GNE: variants seen among roughly 807,000 people sequenced by gnomAD.
GNE encodes the protein bifunctional UDP-N-acetylglucosamine 2-epimerase/N-acetylmannosamine kinase.
Under a neutral mutation model 61.8 loss-of-function variants are expected in GNE, and 41 were observed. The ratio of observed to expected loss-of-function variants is 0.66; its 90% confidence interval spans 0.52 to 0.86. GNE has a LOEUF of 0.86. Among genes scored for constraint, GNE ranks in the 40% least tolerant of loss-of-function variants. GNE has a pLI of 0.00. For missense variants in GNE, 608 were observed against 909.1 expected (o/e 0.67, Z 4.26); for synonymous variants, 264 against 326.4 (o/e 0.81, Z 2.06).
intron 3 of GNE, among the ~76,000 whole-genome samples, chr9:36,244,279 T>G (rs1200335317): frequency 1.3e-5 from 2 of 152,194 alleles, no homozygotes; most frequent in Non-Finnish European, 2.9e-5. Context: ...AAATCAATTT[T>G]CTGTTCATTA....
chr9:36,216,327 ATG>A lies in GNE; in HGVS notation c.*1036_*1037del, dbSNP rs10527967. ...TTAGTTTGGGGTTAGAGGAGGAAGG[ATG>A]TGTGTGTGTGTGTGTGTGTGTGTGT... On this transcript the variant is annotated 3_prime_UTR_variant, in exon 12 of 12. Transcript: ENST00000642385. 5,699 of 353,562 alleles carry A rather than the reference ATG, an allele frequency of 0.016. No individual in the cohort carries two copies. The highest frequency in any genetic ancestry group is 0.046 in the East Asian group (577 of 12,452). 21.9% of individuals were successfully genotyped at this position (353,562 alleles called of 1,614,324 possible). A position where few individuals can be genotyped will look rare whatever the true frequency, so the allele number is the denominator to read the frequency against.
intron 5 of GNE, among the ~76,000 whole-genome samples, chr9:36,233,494 G>A (rs768369376): frequency 8.6e-5 from 13 of 151,974 alleles, no homozygotes; most frequent in Non-Finnish European, 1.8e-4. Flanking sequence ...GTGAAACCCC[G>A]TCTCTACTAA....
intron 5 of GNE, among the ~76,000 whole-genome samples, chr9:36,232,335 C>T (rs944822376): frequency 1.1e-4 from 10 of 91,964 alleles, no homozygotes; most frequent in Non-Finnish European, 1.9e-4. Context: ...CTTGCCCCCC[C>T]GCCCCCCCTC....
rs575288245 is a variant in GNE at position 36,263,934 on chromosome 9, GGGAAT to G, written c.51+12955_51+12959del. Among the ~76,000 whole-genome samples the G allele has an allele frequency of 4.7e-4, 72 of 152,216 alleles. 1 individual carries two copies. In the South Asian group the frequency reaches 0.015, roughly 31 times the overall value. On this transcript the variant is annotated intron_variant, in intron 1 of 11. Transcript: ENST00000396594. ...GTAGCTCTCTGAAACATCTGGACTGGGGAATACGGAGAGGACTGGCCAGTTGGAAA... is the reference window on the plus strand; with the variant it reads ...GTAGCTCTCTGAAACATCTGGACTGGACGGAGAGGACTGGCCAGTTGGAAA...
intron 7 of GNE, among the ~76,000 whole-genome samples, chr9:36,226,917 G>A (rs1828892511): frequency 6.6e-6 from 1 of 152,194 alleles, no homozygotes; most frequent in Admixed American, 6.5e-5. Flanking sequence ...CCTGGGCAGT[G>A]ATAGTAATCA....
intron 1 of GNE, among the ~76,000 whole-genome samples, chr9:36,254,363 TACAA>T (rs943640360): frequency 6.6e-6 from 1 of 151,284 alleles, no homozygotes; most frequent in African/African-American, 2.4e-5. Context: ...CTCCTGTCTC[TACAA>T]ACAAATTTTT....
chr9:36,272,407 T>G (rs559805495), intron 1 of GNE, among the ~76,000 whole-genome samples: 4 of 150,656 alleles, frequency 2.7e-5, no homozygotes, highest in Non-Finnish European at 4.4e-5. Flanking sequence ...GGATCACAAG[T>G]TCAGGAGATC....
chr9:36,236,636 T>C lies in GNE; in HGVS notation c.769+196A>G, dbSNP rs571329447. 2.6e-5 allele frequency among the ~76,000 whole-genome samples: 4 copies of C among 152,370 alleles called. No homozygotes were observed. The East Asian group carries it at 5.8e-4, about 22-fold the overall frequency. ...GACAGACTTTTTATTATTAAGTTTC[T>C]ACTGGACTTGGCAAAAACATTACAA... On this transcript the variant is annotated intron_variant, in intron 4 of 11. Coordinates refer to ENST00000642385, the MANE Select transcript of GNE (RefSeq NM_005476.7).
At chr9:36,228,969 C>T (rs1829021245) in intron 6 of GNE, 52 bp downstream of exon 6, 2 of 984,656 alleles carry the variant, frequency 2.0e-6, no homozygotes, top group Admixed American at 3.4e-5. Context: ...TAAAATGGTA[C>T]TGAAGGTAGC....
At chr9:36,274,720 C>A (rs990344950) in intron 1 of GNE, among the ~76,000 whole-genome samples, 1 of 143,994 alleles carries the variant, frequency 6.9e-6, no homozygotes, top group Admixed American at 7.0e-5. Context: ...GTTTCACATT[C>A]TTTTTTTTTT....
chr9:36,227,904 G>C, intron 6 of GNE, among the ~76,000 whole-genome samples: 1 of 151,500 alleles, frequency 6.6e-6, no homozygotes, highest in Non-Finnish European at 1.5e-5. Context: ...GGCGTTGTGG[G>C]TGCCTGTAAT....
intron 3 of GNE, among the ~76,000 whole-genome samples, chr9:36,237,444 T>C (rs186320478): frequency 1.3e-5 from 2 of 152,202 alleles, no homozygotes; most frequent in Admixed American, 1.3e-4. Context: ...ACCTACCAGA[T>C]TCAACAAGTG....
chr9:36,238,744 G>A (rs1829511854), intron 3 of GNE, among the ~76,000 whole-genome samples: 1 of 152,116 alleles, frequency 6.6e-6, no homozygotes, highest in African/African-American at 2.4e-5. Flanking sequence ...AGTTTAATTA[G>A]GTCCAGGCTA....
chr9:36,250,009 G>A (rs998792855), intron 1 of GNE, among the ~76,000 whole-genome samples: 3 of 152,078 alleles, frequency 2.0e-5, no homozygotes, highest in African/African-American at 7.2e-5. Flanking sequence ...TTGTTTAAAA[G>A]GTGAGGAAAT....
In GNE at chr9:36,222,930, C is replaced by G; in HGVS notation, c.1480G>C (p.Glu494Gln). The change falls in exon 9 of 12, where the codon GAG becomes CAG. Residue 494 changes from glutamate (E) to glutamine (Q), a missense_variant. Transcript: ENST00000642385. Reference protein sequence around the residue: ...IVLHSTKLIQEWNSVDLRTPL... With the variant: ...IVLHSTKLIQQWNSVDLRTPL... ...GTCCTAAGGTCCACAGAGTTCCACT[C>G]TTGGATCAGTTTGGTTGAATGCAGC... is the stretch of plus-strand genomic sequence containing the variant. 1 of 1,614,170 alleles carries G rather than the reference C, an allele frequency of 6.2e-7. No individual in the cohort carries two copies. The highest frequency in any genetic ancestry group is 8.5e-7 in the Non-Finnish European group (1 of 1,180,032).
chr9:36,246,197 T>A lies in GNE; in HGVS notation c.450A>T (p.Ile150=), dbSNP rs1829866975. 1 of 1,614,218 alleles carries A rather than the reference T, an allele frequency of 6.2e-7. No individual in the cohort carries two copies. The highest frequency in any genetic ancestry group is 8.5e-7 in the Non-Finnish European group (1 of 1,180,036). The change falls in exon 3 of 12, where the codon ATA becomes ATT. Residue 150 remains isoleucine (I), a synonymous_variant. Coordinates refer to ENST00000642385, the MANE Select transcript of GNE (RefSeq NM_005476.7). ...ACACATGATAATGAGCCAGTTTTGT[T>A]ATGGCATGTCTGATAGAGTCATCAA... The part of the protein sequence containing the change: ...GTIDDSIRHA[I]TKLAHYHVCC...
rs537531088 is a variant in GNE at position 36,253,962 on chromosome 9, G to A, written c.-43+4359C>T. Among the ~76,000 whole-genome samples the A allele has an allele frequency of 1.3e-5, 2 of 152,008 alleles. 1 individual carries two copies. Among genetic ancestry groups the A allele is most frequent in the African/African-American group, 4.8e-5 (2 of 41,468 alleles). On this transcript the variant is annotated intron_variant, in intron 1 of 11. Transcript: ENST00000642385. ...TGTGGCAGGAGAGTTGCTTGAACCT[G>A]GGAGGCGGAGGTTGCAGTGAGCCGA...
intron 1 of GNE, among the ~76,000 whole-genome samples, chr9:36,271,474 A>C (rs574047397): frequency 6.6e-6 from 1 of 152,238 alleles, no homozygotes; most frequent in East Asian, 1.9e-4. Flanking sequence ...CCCGGGTTCA[A>C]GCGATTCTCC....
chr9:36,263,942 G>A (rs187709332), intron 1 of GNE, among the ~76,000 whole-genome samples: 4 of 152,176 alleles, frequency 2.6e-5, no homozygotes, highest in East Asian at 3.9e-4. Flanking sequence ...TGGGGAATAC[G>A]GAGAGGACTG....
Sources: gnomAD v4.1 joint callset for allele counts (sites outside exome capture counted in the v4.1 genomes callset) on GRCh38, gnomAD v4.1.1 for gene constraint, MANE v1.5 for transcripts, NCBI Gene and HGNC (gene_info 2026-07-23, HGNC 2026-07-21) for gene names.